CRIM1: variants seen among roughly 807,000 people sequenced by gnomAD.
The protein encoded by CRIM1 is cysteine-rich motor neuron 1 protein.
Under a neutral mutation model 116.4 loss-of-function variants are expected in CRIM1, and 32 were observed. The observed-to-expected ratio is 0.27, with a 90% CI of 0.21 to 0.37. CRIM1 has a LOEUF of 0.37. CRIM1 is among the 10% of genes least tolerant of loss of function. The pLI is 1.00. For missense variants in CRIM1, 1,331 were observed against 1,354.8 expected (o/e 0.98, Z 0.28); for synonymous variants, 590 against 509.2 (o/e 1.16, Z -2.13).
At chr2:36,369,914 T>A (rs534073906) in intron 1 of CRIM1, among the ~76,000 whole-genome samples, 1 of 152,188 alleles carries the variant, frequency 6.6e-6, no homozygotes. Context: ...TTTCAGTTGC[T>A]GAGGGCACAA....
intron 2 of CRIM1, among the ~76,000 whole-genome samples, chr2:36,428,683 A>T (rs925851983): frequency 6.6e-6 from 1 of 152,214 alleles, no homozygotes; most frequent in African/African-American, 2.4e-5. Context: ...TAACAAATAG[A>T]TGTAGAGCTT....
intron 5 of CRIM1, among the ~76,000 whole-genome samples, chr2:36,475,271 ATGTTT>A (rs1193717771): frequency 6.6e-6 from 1 of 152,186 alleles, no homozygotes; most frequent in East Asian, 1.9e-4. Context: ...TTTTTTGAAA[ATGTTT>A]TGTTATTTTC....
chr2:36,374,840 A>G (rs964383482), intron 1 of CRIM1, among the ~76,000 whole-genome samples: 1 of 142,852 alleles, frequency 7.0e-6, no homozygotes, highest in Non-Finnish European at 1.5e-5. Context: ...GGCTCATGGC[A>G]TGAGGGCTGT....
At chr2:36,506,144 C>CACAG (rs1475787403) in intron 8 of CRIM1, among the ~76,000 whole-genome samples, 1 of 109,092 alleles carries the variant, frequency 9.2e-6, no homozygotes, top group Non-Finnish European at 1.8e-5. Context: ...CACACACACA[C>CACAG]ACACACACAC....
intron 7 of CRIM1, among the ~76,000 whole-genome samples, chr2:36,482,369 G>C (rs1353069794): frequency 6.6e-6 from 1 of 152,096 alleles, no homozygotes; most frequent in Non-Finnish European, 1.5e-5. Flanking sequence ...ACAGTGCACA[G>C]CTTAAGATAA....
intron 7 of CRIM1, among the ~76,000 whole-genome samples, chr2:36,495,486 T>A (rs1012426143): frequency 6.8e-4 from 102 of 148,974 alleles, no homozygotes; most frequent in South Asian, 1.5e-3. Flanking sequence ...TTTTTTTTTT[T>A]TTTTTTTTTT....
intron 1 of CRIM1, among the ~76,000 whole-genome samples, chr2:36,358,566 C>G (rs183223482): frequency 6.6e-6 from 1 of 152,196 alleles, no homozygotes; most frequent in African/African-American, 2.4e-5. Context: ...TTGGCAGTTT[C>G]GTGAGCCTTT....
intron 2 of CRIM1, among the ~76,000 whole-genome samples, chr2:36,424,071 T>C (rs1236666547): frequency 7.2e-5 from 11 of 152,194 alleles, no homozygotes. Flanking sequence ...TGCTGTGGTC[T>C]AGGCATTATG....
chr2:36,435,258 T>G (rs903449447), intron 2 of CRIM1, among the ~76,000 whole-genome samples: 29 of 152,244 alleles, frequency 1.9e-4, no homozygotes, highest in African/African-American at 6.7e-4. Flanking sequence ...ATAATCCAAA[T>G]TTGGGGTCCT....
At chr2:36,452,307 C>T (rs190958265) in intron 4 of CRIM1, among the ~76,000 whole-genome samples, 1 of 152,252 alleles carries the variant, frequency 6.6e-6, no homozygotes, top group African/African-American at 2.4e-5. Flanking sequence ...TCCTGACATA[C>T]TATTATGGTA....
At chr2:36,538,949 C>T (rs748912924) in intron 14 of CRIM1, among the ~76,000 whole-genome samples, 8 of 152,156 alleles carry the variant, frequency 5.3e-5, no homozygotes, top group Non-Finnish European at 7.3e-5. Flanking sequence ...ATTTATTTCA[C>T]GAAGAGTCAT....
At chr2:36,391,436 AT>A (rs545262301) in intron 1 of CRIM1, among the ~76,000 whole-genome samples, 1 of 151,920 alleles carries the variant, frequency 6.6e-6, no homozygotes, top group Admixed American at 6.6e-5. Context: ...CCCACTTTTG[AT>A]TTTTTTAGAA....
intron 4 of CRIM1, among the ~76,000 whole-genome samples, chr2:36,458,095 A>G (rs143952356): frequency 3.2e-4 from 49 of 152,318 alleles, no homozygotes; most frequent in African/African-American, 1.1e-3. Flanking sequence ...TAGATCCAGT[A>G]TTGAAAGAAA....
At chr2:36,402,691 G>A (rs112238159) in intron 2 of CRIM1, among the ~76,000 whole-genome samples, 27 of 150,818 alleles carry the variant, frequency 1.8e-4, no homozygotes, top group African/African-American at 5.9e-4. Context: ...ATGGGGACTC[G>A]TACCTGAGAG....
intron 2 of CRIM1, among the ~76,000 whole-genome samples, chr2:36,406,622 TC>T (rs77778781): frequency 0.62 from 66,361 of 106,366 alleles, 19,366 homozygotes; most frequent in East Asian, 0.88. Context: ...ATTTGACCCC[TC>T]CCCCCCCCCC....
In CRIM1 at chr2:36,475,870, C is replaced by T. The variant is rs532954365; in HGVS notation, c.992-1019C>T. On this transcript the variant is annotated intron_variant, in intron 5 of 16. Transcript: ENST00000280527. Reference sequence around the variant, plus strand: ...TTTTTTTCCTTATTGTGTGACATATCGTATTAACATTAATATTTTGGATGT... The same window carrying T: ...TTTTTTTCCTTATTGTGTGACATATTGTATTAACATTAATATTTTGGATGT... Among the ~76,000 whole-genome samples, 11 of 152,072 alleles carry T rather than the reference C, an allele frequency of 7.2e-5. No individual in the cohort carries two copies. The East Asian group carries it at 9.6e-4, about 13-fold the overall frequency.
chr2:36,490,354 G>C (rs541755128), intron 7 of CRIM1, among the ~76,000 whole-genome samples: 3 of 152,252 alleles, frequency 2.0e-5, no homozygotes, highest in African/African-American at 7.2e-5. Context: ...TTTTCTGGAA[G>C]CCCAGAGAGG....
intron 1 of CRIM1, among the ~76,000 whole-genome samples, chr2:36,391,797 C>CA (rs5830425): frequency 0.02 from 2,450 of 120,712 alleles, 45 homozygotes; most frequent in African/African-American, 0.061. Flanking sequence ...ACTAATGGTG[C>CA]AAAAAAAAAA....
intron 2 of CRIM1, among the ~76,000 whole-genome samples, chr2:36,425,053 G>A (rs896305541): frequency 6.6e-6 from 1 of 152,176 alleles, no homozygotes; most frequent in Non-Finnish European, 1.5e-5. Flanking sequence ...AGCAGTTAAA[G>A]TCAGGCCCGG....
Sources: allele counts gnomAD v4.1 joint callset (sites outside exome capture counted in the v4.1 genomes callset), GRCh38; gene constraint gnomAD v4.1.1; transcripts MANE v1.5; gene names NCBI Gene and HGNC (gene_info 2026-07-23, HGNC 2026-07-21).